Variants in TTC16 observed in about 807,000 individuals in gnomAD.
The protein encoded by TTC16 is tetratricopeptide repeat domain 16, also known as tetratricopeptide repeat protein 16.
TTC16 carries 66 observed loss-of-function variants against 80.4 expected under a neutral mutation model. The ratio of observed to expected loss-of-function variants is 0.82; its 90% CI spans 0.67 to 1.01. The LOEUF (loss-of-function observed/expected upper bound fraction) is 1.01. Ranked by LOEUF, TTC16 falls within the 50% of genes least tolerant of loss-of-function variation. TTC16 has a pLI of 0.00. For synonymous variants in TTC16, 438 were observed against 451.3 expected (o/e 0.97, Z 0.37); for missense variants, 1,070 against 1,103.2 (o/e 0.97, Z 0.43).
At position 127,723,202 on chromosome 9, in the gene TTC16, G is replaced by A; in HGVS notation, c.741G>A (p.Met247Ile). 6.2e-7 allele frequency: 1 copy of A among 1,612,852 alleles called. No individual in the cohort carries two copies. The highest frequency in any genetic ancestry group is 1.1e-5 in the South Asian group (1 of 91,076). The change falls in exon 7 of 14, where the codon ATG becomes ATA. Residue 247 changes from methionine to isoleucine, a missense_variant. Coordinates refer to ENST00000373289, the MANE Select transcript of TTC16 (RefSeq NM_144965.3). ...AGGCCAGGATGCTGCTCCAGAAGATGGTGGCCCAGGCCCAGCAGGCGCGCC... is the reference window on the plus strand; with the variant it reads ...AGGCCAGGATGCTGCTCCAGAAGATAGTGGCCCAGGCCCAGCAGGCGCGCC... ...HPQARMLLQK[M>I]VAQAQQARQD...
Position 127,724,396 on chromosome 9 carries a change from G to T in TTC16, c.1117+32G>T. 1 of 1,606,182 alleles carries T rather than the reference G, an allele frequency of 6.2e-7. No homozygotes were observed. Among genetic ancestry groups the T allele is most frequent in the Non-Finnish European group, 8.5e-7 (1 of 1,175,550 alleles). ...AGCGACCAGGGCACTGGGGAGGGGG[G>T]GTGCGGGGGAGCCTCGCCATCTCTA... On this transcript the variant is annotated intron_variant, in intron 8 of 13. Coordinates refer to ENST00000373289, the MANE Select transcript of TTC16 (RefSeq NM_144965.3).
Position 127,730,635 on chromosome 9 carries a change from G to A in TTC16, c.1853-1G>A. 2 of 1,611,576 alleles carry A rather than the reference G, an allele frequency of 1.2e-6. No homozygotes were observed. The highest frequency in any genetic ancestry group is 1.7e-6 in the Non-Finnish European group (2 of 1,179,620). ...GGGTGCTTTTGGCACCCCCTTCCTA[G>A]TCAGGACCACAGGCACCTCAGAGAC... is the stretch of plus-strand genomic sequence containing the variant. On this transcript the variant is annotated splice_acceptor_variant, in intron 13 of 13. Coordinates refer to ENST00000373289, the MANE Select transcript of TTC16 (RefSeq NM_144965.3). LOFTEE classifies it high-confidence loss of function.
chr9:127,730,565 G>A, intron 13 of TTC16, 71 bp from the exon 14 acceptor site: 2 of 1,547,860 alleles, frequency 1.3e-6, no homozygotes, highest in South Asian at 2.4e-5. Flanking sequence ...AGATTGGGAA[G>A]CCCCTTTTCC....
At chr9:127,719,411 T>G (rs1843285854) in intron 4 of TTC16, among the ~76,000 whole-genome samples, 1 of 152,198 alleles carries the variant, frequency 6.6e-6, no homozygotes, top group Admixed American at 6.5e-5. Flanking sequence ...TTCAAGTTCT[T>G]AGCACAGGGC....
In TTC16 at chr9:127,731,245, C is replaced by A; in HGVS notation, c.2462C>A (p.Ala821Asp). ...TGGAGCCTCAGCAAAACTGAGTATG[C>A]CCAAGGCCAGGGCCAGAGGTCCAGC... Reference protein sequence around the residue: ...SNWSLSKTEYAQGQGQRSSKA... With the variant: ...SNWSLSKTEYDQGQGQRSSKA... The change falls in exon 14 of 14, where the codon GCC (alanine) becomes GAC (aspartate). Residue 821 changes from alanine (A) to aspartate (D), a missense_variant. By Grantham distance (126) the Ala-to-Asp change is moderately radical (BLOSUM62 -2). Coordinates refer to ENST00000373289, the MANE Select transcript of TTC16 (RefSeq NM_144965.3). 1.9e-6 allele frequency: 3 copies of A among 1,612,856 alleles called. No homozygotes were observed. The highest frequency in any genetic ancestry group is 2.5e-6 in the Non-Finnish European group (3 of 1,179,862).
chr9:127,724,833 G>T lies in TTC16; in HGVS notation c.1195G>T (p.Glu399Ter), dbSNP rs777186377. The T allele has an allele frequency of 1.0e-5, 16 of 1,603,152 alleles. No homozygotes were observed. Among genetic ancestry groups the T allele is most frequent in the Non-Finnish European group, 1.3e-5 (15 of 1,175,920 alleles). ...QQALALSPQD[E>*]GANTRMGLLQ... Reference sequence around the variant, plus strand: ...GGCGCTGGCGCTGAGCCCTCAGGACGAGGGCGCCAACACGCGCATGGGCCT... The same window carrying T: ...GGCGCTGGCGCTGAGCCCTCAGGACTAGGGCGCCAACACGCGCATGGGCCT... Residue 399 changes from glutamate (E) to a stop codon, truncating the protein, a stop_gained, in exon 9 of 14, where the codon GAG (glutamate) becomes TAG (stop). Transcript: ENST00000373289. LOFTEE classifies it high-confidence loss of function.
At chr9:127,729,305 C>G (rs1341880034) in intron 12 of TTC16, 2 of 408,566 alleles carry the variant, frequency 4.9e-6, no homozygotes, top group African/African-American at 4.1e-5. Context: ...TGTTCCACAC[C>G]TGAACTAATT....
intron 1 of TTC16, chr9:127,716,583 G>T: frequency 3.5e-6 from 2 of 565,034 alleles, no homozygotes; most frequent in Non-Finnish European, 3.2e-6. Context: ...CCCTGGGGGA[G>T]AACAGACGGT....
rs1408174493 is a variant in TTC16 at position 127,723,045 on chromosome 9, C to G, written c.658-74C>G. On this transcript the variant is annotated intron_variant, in intron 6 of 13. Coordinates refer to ENST00000373289, the MANE Select transcript of TTC16 (RefSeq NM_144965.3). ...GGAGGAGGCATGGTGTGATGCCACC[C>G]TGCTGAAGAAAGGCCTCTAGGTCCC... 4.7e-6 allele frequency: 7 copies of G among 1,493,716 alleles called. No individual in the cohort carries two copies. In the East Asian group the frequency reaches 9.1e-5, roughly 19 times the overall value. 92.5% of individuals were successfully genotyped at this position (1,493,716 alleles called of 1,614,324 possible). A position where few individuals can be genotyped will look rare whatever the true frequency, so the allele number is the denominator to read the frequency against.
chr9:127,724,049 C>T lies in TTC16; in HGVS notation c.873-71C>T, dbSNP rs969801717. 225 of 1,463,882 alleles carry T rather than the reference C, an allele frequency of 1.5e-4. 1 individual carries two copies. In the South Asian group the frequency reaches 3.1e-3, roughly 20 times the overall value. 90.7% of individuals were successfully genotyped at this position (1,463,882 alleles called of 1,614,324 possible). On this transcript the variant is annotated intron_variant, in intron 7 of 13. Transcript: ENST00000373289. ...CCAGAGCCGGCAGTGGCTTGTCTGG[C>T]CACTAGCCAGTCGGTGGGGGTGCAC...
In TTC16 at chr9:127,724,345, A is replaced by G. The variant is rs770801707; in HGVS notation, c.1098A>G (p.Gly366=). The G allele has an allele frequency of 7.4e-6, 12 of 1,611,000 alleles. No individual in the cohort carries two copies. The African/African-American group carries it at 1.5e-4, about 20-fold the overall frequency. Residue 366 remains glycine, a synonymous_variant, in exon 8 of 14, where the codon GGA becomes GGG. Coordinates refer to ENST00000373289, the MANE Select transcript of TTC16 (RefSeq NM_144965.3). Reference sequence around the variant, plus strand: ...TCCGGGACGAGCAGCAGGAGAAAGGACTCTACATCAACCGAGGCGGTGCGC... The same window carrying G: ...TCCGGGACGAGCAGCAGGAGAAAGGGCTCTACATCAACCGAGGCGGTGCGC... The part of the protein sequence containing the change: ...KALRDEQQEK[G]LYINRGDCFF...
rs754876294 is a variant in TTC16, at chr9:127,723,237, G to C, written c.776G>C (p.Gly259Ala). The change falls in exon 7 of 14, where the codon GGG (glycine) becomes GCG (alanine). Residue 259 changes from glycine (G) to alanine (A), a missense_variant. Physicochemically the swap from Gly to Ala is moderately conservative, Grantham distance 60 (BLOSUM62 0). Transcript: ENST00000373289. Reference protein sequence around the residue: ...AQAQQARQDAGILAVQGKLQH... With the variant: ...AQAQQARQDAAILAVQGKLQH... ...GCCCAGCAGGCGCGCCAAGATGCGG[G>C]GATCCTGGCTGTGCAGGGCAAGCTG... is the stretch of plus-strand genomic sequence containing the variant. 2.5e-6 allele frequency: 4 copies of C among 1,612,908 alleles called. No homozygotes were observed. The highest frequency in any genetic ancestry group is 3.4e-6 in the Non-Finnish European group (4 of 1,180,032).
At position 127,731,436 on chromosome 9, in the gene TTC16, G is replaced by T; in HGVS notation, c.*31G>T. The stretch of plus-strand genomic sequence containing the variant: ...CCATCCAGACCCTCCCTTCTTGCTG[G>T]GGAGGGGACGAGTTCTACCCACCTC... On this transcript the variant is annotated 3_prime_UTR_variant, in exon 14 of 14. Coordinates refer to ENST00000373289, the MANE Select transcript of TTC16 (RefSeq NM_144965.3). 1 of 1,579,118 alleles carries T rather than the reference G, an allele frequency of 6.3e-7. No homozygotes were observed. Among genetic ancestry groups the T allele is most frequent in the South Asian group, 1.2e-5 (1 of 86,132 alleles).
intron 5 of TTC16, 23 bp from the exon 6 acceptor site, chr9:127,720,243 C>T: frequency 6.2e-7 from 1 of 1,613,356 alleles, no homozygotes; most frequent in Non-Finnish European, 8.5e-7. Context: ...GGGAAACGAG[C>T]ACTCTGTGCC....
In TTC16 at chr9:127,717,684, C is replaced by T. The variant is rs1843158071; in HGVS notation, c.338C>T (p.Ser113Leu). 5.6e-6 allele frequency: 9 copies of T among 1,613,918 alleles called. No homozygotes were observed. The highest frequency in any genetic ancestry group is 3.3e-5 in the South Asian group (3 of 91,086). The change falls in exon 4 of 14, where the codon TCG (serine) becomes TTG (leucine). Residue 113 changes from serine to leucine, a missense_variant. By Grantham distance (145) the Ser-to-Leu change is moderately radical. Transcript: ENST00000373289. Reference sequence around the variant, plus strand: ...TACCTCCAGCTCTGTGACTTCTCCTCGGCCGCCCAGAACCTGCGAAGGGCC... The same window carrying T: ...TACCTCCAGCTCTGTGACTTCTCCTTGGCCGCCCAGAACCTGCGAAGGGCC... ...EAYLQLCDFS[S>L]AAQNLRRAYS...
intron 4 of TTC16, 137 bp from the exon 5 acceptor site, chr9:127,719,941 C>A (rs1843319750): frequency 5.7e-6 from 4 of 705,762 alleles, no homozygotes; most frequent in Admixed American, 2.2e-5. Context: ...TCTGCCTCTT[C>A]AAGTCTCTGC....
intron 12 of TTC16, 36 bp from the exon 13 acceptor site, chr9:127,729,545 T>A: frequency 5.7e-6 from 9 of 1,588,240 alleles, no homozygotes; most frequent in Non-Finnish European, 7.8e-6. Context: ...ACGGGCCTCC[T>A]ACCATCTGAA....
intron 6 of TTC16, among the ~76,000 whole-genome samples, chr9:127,720,910 C>A (rs1424027450): frequency 3.7e-4 from 16 of 43,386 alleles, no homozygotes; most frequent in East Asian, 1.6e-3. Flanking sequence ...TTCCTCCCTC[C>A]TCCCTCCTCC....
rs1188857686 is a variant in TTC16, at chr9:127,727,418, G to A, written c.1717G>A (p.Ala573Thr). ...QVKPGSSEGE[A>T]EAPEEEEEKE... ...AAAACCGGGAAGCTCAGAGGGAGAG[G>A]CTGAGGCCCCTGAGGAGGAGGAAGA... The change falls in exon 12 of 14, where the codon GCT becomes ACT. Residue 573 changes from alanine (A) to threonine (T), a missense_variant. Coordinates refer to ENST00000373289, the MANE Select transcript of TTC16 (RefSeq NM_144965.3). 1.2e-6 allele frequency: 2 copies of A among 1,609,142 alleles called. No individual in the cohort carries two copies. Among genetic ancestry groups the A allele is most frequent in the African/African-American group, 2.7e-5 (2 of 74,898 alleles).
Sources: gnomAD v4.1 joint callset for allele counts (sites outside exome capture counted in the v4.1 genomes callset) on GRCh38, gnomAD v4.1.1 for gene constraint, MANE v1.5 for transcripts, NCBI Gene and HGNC (gene_info 2026-07-23, HGNC 2026-07-21) for gene names.